Variants in TRPM7 observed in about 807,000 individuals in gnomAD.
TRPM7 encodes the protein LTRPC ion channel family member 7.
Under a neutral mutation model 229.7 loss-of-function variants are expected in TRPM7, and 134 were observed. The observed-to-expected ratio is 0.58, with a 90% CI of 0.51 to 0.67. The LOEUF is 0.67. TRPM7 is among the 30% of genes least tolerant of loss of function. The pLI, the probability that TRPM7 is intolerant of heterozygous loss-of-function variation, is 0.00. For synonymous variants in TRPM7, 699 were observed against 715.2 expected (o/e 0.98, Z 0.36); for missense variants, 1,901 against 2,210.0 (o/e 0.86, Z 2.80).
At chr15:50,678,239 CAAAA>C (rs527874854) in intron 1 of TRPM7, among the ~76,000 whole-genome samples, 2 of 92,080 alleles carry the variant, frequency 2.2e-5, no homozygotes, top group African/African-American at 7.2e-5. Context: ...GACTCTCTCT[CAAAA>C]AAAAAAAACA....
intron 4 of TRPM7, among the ~76,000 whole-genome samples, chr15:50,646,038 A>G (rs1167695501): frequency 3.3e-5 from 5 of 150,128 alleles, no homozygotes; most frequent in African/African-American, 1.2e-4. Flanking sequence ...AATCGCTTGA[A>G]CCCAGGAGGC....
At chr15:50,672,220 A>G (rs1241381502) in intron 1 of TRPM7, among the ~76,000 whole-genome samples, 2 of 151,902 alleles carry the variant, frequency 1.3e-5, no homozygotes, top group East Asian at 3.9e-4. Context: ...CACCCAGCTA[A>G]TTTTTTGTAT....
chr15:50,686,612 G>C lies in TRPM7; in HGVS notation c.-79C>G. 1 of 1,577,870 alleles carries C rather than the reference G, an allele frequency of 6.3e-7. No homozygotes were observed. On this transcript the variant is annotated 5_prime_UTR_variant, in exon 1 of 39. Coordinates refer to ENST00000646667, the MANE Select transcript of TRPM7 (RefSeq NM_017672.6). ...GCGGCCTGTAGCCATCTATCGGGAA[G>C]CGTCTCCGGAGGCGGCAGCAGAGGC... is the stretch of plus-strand genomic sequence containing the variant.
intron 4 of TRPM7, among the ~76,000 whole-genome samples, chr15:50,647,288 G>A (rs1036785030): frequency 1.3e-5 from 2 of 150,118 alleles, no homozygotes; most frequent in African/African-American, 2.4e-5. Context: ...GTGCCACCAC[G>A]CCCGACTAAT....
In TRPM7 at chr15:50,561,563, A is replaced by G. The variant is rs2053311637; in HGVS notation, c.*115T>C. On this transcript the variant is annotated 3_prime_UTR_variant, in exon 39 of 39. Coordinates refer to ENST00000646667, the MANE Select transcript of TRPM7 (RefSeq NM_017672.6). ...CCTTTTAACTGTGCTGGAGTCAGCA[A>G]ATTCAACTTGCATACACCTTTCTAT... is the stretch of plus-strand genomic sequence containing the variant. 7.9e-7 allele frequency: 1 copy of G among 1,267,780 alleles called. No individual in the cohort carries two copies. The highest frequency in any genetic ancestry group is 2.4e-5 in the East Asian group (1 of 40,900). The allele number at this position is 1,267,780 out of a possible 1,614,324, so 78.5% of individuals were successfully genotyped here.
chr15:50,606,522 A>C (rs2059923736), intron 20 of TRPM7, among the ~76,000 whole-genome samples: 1 of 152,172 alleles, frequency 6.6e-6, no homozygotes, highest in African/African-American at 2.4e-5. Context: ...ATTTTGAGAT[A>C]GAGTATCACT....
rs2053238640 is a variant in TRPM7, at chr15:50,559,720, T to G, written c.*1958A>C. The G allele has an allele frequency of 6.6e-6, 1 of 152,130 alleles. No individual in the cohort carries two copies. The highest frequency in any genetic ancestry group is 6.6e-5 in the Admixed American group (1 of 15,252). 9.4% of individuals were successfully genotyped at this position (152,130 alleles called of 1,614,324 possible). ...GTTATAAGGATTAAGTAGGTTAATATATGTGAAATACTTAGAGTAATGTCT... is the reference window on the plus strand; with the variant it reads ...GTTATAAGGATTAAGTAGGTTAATAGATGTGAAATACTTAGAGTAATGTCT... On this transcript the variant is annotated 3_prime_UTR_variant, in exon 39 of 39. Transcript: ENST00000646667.
chr15:50,613,976 G>A lies in TRPM7; in HGVS notation c.1636-135C>T, dbSNP rs187234544. 70 of 1,340,998 alleles carry A rather than the reference G, an allele frequency of 5.2e-5. No individual in the cohort carries two copies. The Middle Eastern group carries it at 6.9e-4, about 13-fold the overall frequency. 83.1% of individuals were successfully genotyped at this position (1,340,998 alleles called of 1,614,324 possible). ...AATATGACTGATTTAGGATTTTGAC[G>A]ACATAATATTTCTAATTGCTCTTAG... On this transcript the variant is annotated intron_variant, in intron 14 of 38. Transcript: ENST00000646667.
intron 23 of TRPM7, 139 bp from the exon 24 acceptor site, chr15:50,594,752 G>A (rs942420954): frequency 2.6e-5 from 15 of 571,246 alleles, no homozygotes; most frequent in Non-Finnish European, 4.3e-5. Flanking sequence ...AATAGCAAAT[G>A]AGAAACTAGA....
intron 30 of TRPM7, among the ~76,000 whole-genome samples, chr15:50,580,298 T>C (rs1040293422): frequency 3.3e-5 from 5 of 152,218 alleles, no homozygotes; most frequent in African/African-American, 1.2e-4. Flanking sequence ...CTTAGATTTG[T>C]CTTTACCCTT....
rs2053268199 is a variant in TRPM7, at chr15:50,560,451, TGA to T, written c.*1225_*1226del. ...TCATCTCTTGCCTTGTCTGTATCTA[TGA>T]GATACACTACTAAATACAAATAAGC... is the stretch of plus-strand genomic sequence containing the variant. On this transcript the variant is annotated 3_prime_UTR_variant, in exon 39 of 39. Transcript: ENST00000646667. 6.6e-6 allele frequency: 1 copy of T among 152,434 alleles called. No individual in the cohort carries two copies. The highest frequency in any genetic ancestry group is 1.5e-5 in the Non-Finnish European group (1 of 68,008). The allele number at this position is 152,434 out of a possible 1,614,324, so 9.4% of individuals were successfully genotyped here.
At chr15:50,638,594 A>G (rs2060992426) in intron 6 of TRPM7, among the ~76,000 whole-genome samples, 1 of 151,996 alleles carries the variant, frequency 6.6e-6, no homozygotes, top group Admixed American at 6.5e-5. Flanking sequence ...TAATATTGCT[A>G]TTTTTCCAGC....
chr15:50,596,115 A>G (rs1240212662), intron 23 of TRPM7, 140 bp downstream of exon 23: 2 of 446,282 alleles, frequency 4.5e-6, no homozygotes, highest in Non-Finnish European at 3.6e-6. Context: ...AGCATCTCCT[A>G]TTTGTAATTT....
intron 4 of TRPM7, among the ~76,000 whole-genome samples, chr15:50,647,799 C>A (rs1029019284): frequency 6.6e-6 from 1 of 152,042 alleles, no homozygotes; most frequent in African/African-American, 2.4e-5. Context: ...GTGGGATCCA[C>A]GTTTATGGTT....
At position 50,617,628 on chromosome 15, in the gene TRPM7, A is replaced by C. The variant is rs541198224; in HGVS notation, c.1494+2117T>G. ...ATCACATTTTTAAAAAACATCCTCAAGGCTGTTAAAATGACATTTCTAACG... is the reference window on the plus strand; with the variant it reads ...ATCACATTTTTAAAAAACATCCTCACGGCTGTTAAAATGACATTTCTAACG... On this transcript the variant is annotated intron_variant, in intron 13 of 38. Coordinates refer to ENST00000646667, the MANE Select transcript of TRPM7 (RefSeq NM_017672.6). 1.4e-3 allele frequency among the ~76,000 whole-genome samples: 214 copies of C among 152,214 alleles called. 3 individuals carry two copies. Among genetic ancestry groups the C allele is most frequent in the Non-Finnish European group, 2.4e-3 (164 of 68,004 alleles).
At chr15:50,651,468 A>AC (rs1286874172) in intron 3 of TRPM7, among the ~76,000 whole-genome samples, 1 of 151,802 alleles carries the variant, frequency 6.6e-6, no homozygotes, top group African/African-American at 2.4e-5. Flanking sequence ...ACACAGTGAA[A>AC]CCCCGTCTGT....
intron 16 of TRPM7, among the ~76,000 whole-genome samples, chr15:50,611,811 C>T (rs756012969): frequency 6.6e-6 from 1 of 152,210 alleles, no homozygotes; most frequent in Non-Finnish European, 1.5e-5. Flanking sequence ...CTAAATACCC[C>T]ACTTGGGGAG....
intron 20 of TRPM7, among the ~76,000 whole-genome samples, chr15:50,606,050 G>C (rs990963694): frequency 1.3e-5 from 2 of 152,164 alleles, no homozygotes; most frequent in Non-Finnish European, 2.9e-5. Flanking sequence ...GTAGAGACAT[G>C]AAATAATTCA....
intron 20 of TRPM7, 118 bp downstream of exon 20, chr15:50,607,082 C>G: frequency 1.2e-6 from 1 of 863,716 alleles, no homozygotes. Context: ...AGGTTCTACA[C>G]TTCTACAATG....
Sources: gnomAD v4.1 joint callset for allele counts (sites outside exome capture counted in the v4.1 genomes callset) on GRCh38, gnomAD v4.1.1 for gene constraint, MANE v1.5 for transcripts, NCBI Gene and HGNC (gene_info 2026-07-23, HGNC 2026-07-21) for gene names.